CTNNA3: variants seen among roughly 807,000 people sequenced by gnomAD.
CTNNA3 encodes catenin alpha-3.
In CTNNA3, 76 loss-of-function variants were observed where a neutral mutation model predicts 95.7. The observed-to-expected ratio is 0.79, with a 90% CI of 0.66 to 0.96. CTNNA3 has a LOEUF of 0.96. CTNNA3 is among the 40% of genes least tolerant of loss of function. The probability of loss-of-function intolerance (pLI) is 0.00; values close to 1 mark genes in which losing one functional copy is unlikely to be tolerated. For missense variants in CTNNA3, 1,191 were observed against 1,089.8 expected, an observed-to-expected ratio of 1.09 and a Z score of -1.31; for synonymous variants, 431 against 374.4, an observed-to-expected ratio of 1.15 and a Z score of -1.74.
chr10:67,519,986 T>A (rs1456261836), intron 5 of CTNNA3, among the ~76,000 whole-genome samples: 2 of 152,260 alleles, frequency 1.3e-5, no homozygotes, highest in East Asian at 3.9e-4. Context: ...ACACTCCAGG[T>A]TTGAAGTCAG....
At chr10:66,286,025 G>T (rs10430509) in intron 12 of CTNNA3, among the ~76,000 whole-genome samples, 84,100 of 151,728 alleles carry the variant, frequency 0.55, 24,548 homozygotes, top group African/African-American at 0.75. Flanking sequence ...TTTGCATAAT[G>T]TTTAGTTTGG....
chr10:67,269,261 T>G (rs1436294889), intron 5 of CTNNA3, among the ~76,000 whole-genome samples: 2 of 152,176 alleles, frequency 1.3e-5, no homozygotes, highest in African/African-American at 4.8e-5. Flanking sequence ...TCTAGATTTA[T>G]TGTTTAAAAA....
At chr10:67,145,990 T>A (rs1860824342) in intron 7 of CTNNA3, among the ~76,000 whole-genome samples, 1 of 152,162 alleles carries the variant, frequency 6.6e-6, no homozygotes, top group Non-Finnish European at 1.5e-5. Flanking sequence ...CTAATATATT[T>A]CAATTGTTGT....
chr10:66,900,902 T>C (rs1845713908), intron 7 of CTNNA3, among the ~76,000 whole-genome samples: 1 of 152,198 alleles, frequency 6.6e-6, no homozygotes, highest in African/African-American at 2.4e-5. Flanking sequence ...CTACATCTGA[T>C]TGGTGTACCT....
chr10:67,571,478 A>G (rs976109585), intron 3 of CTNNA3, among the ~76,000 whole-genome samples: 1 of 152,190 alleles, frequency 6.6e-6, no homozygotes, highest in Admixed American at 6.5e-5. Context: ...TGTAAGAAAA[A>G]CATTAAGTAA....
intron 7 of CTNNA3, among the ~76,000 whole-genome samples, chr10:67,047,102 T>C (rs1854801996): frequency 6.6e-6 from 1 of 152,132 alleles, no homozygotes; most frequent in Admixed American, 6.5e-5. Flanking sequence ...CAGAGGACAA[T>C]GAAGACAGTA....
At chr10:67,660,755 C>G (rs950477155) in intron 1 of CTNNA3, among the ~76,000 whole-genome samples, 1 of 151,878 alleles carries the variant, frequency 6.6e-6, no homozygotes, top group Admixed American at 6.6e-5. Flanking sequence ...CACAGTGAAA[C>G]CCCATCTCTA....
At chr10:66,030,513 G>T (rs1044294324) in intron 15 of CTNNA3, among the ~76,000 whole-genome samples, 1 of 152,100 alleles carries the variant, frequency 6.6e-6, no homozygotes. Flanking sequence ...GTATACAGAA[G>T]AATGAAACTG....
rs187281281 is a variant in CTNNA3, at chr10:67,408,346, C to T, written c.579+113496G>A. Among the ~76,000 whole-genome samples the T allele has an allele frequency of 9.3e-4, 142 of 152,238 alleles. No individual in the cohort carries two copies. In the Middle Eastern group the frequency reaches 0.02, roughly 22 times the overall value. Reference sequence around the variant, plus strand: ...CCTGACTTCAAACTCTACTACAGGGCTACAGTAACCCAAACAGCACAGTAC... The same window carrying T: ...CCTGACTTCAAACTCTACTACAGGGTTACAGTAACCCAAACAGCACAGTAC... On this transcript the variant is annotated intron_variant, in intron 5 of 17. Transcript: ENST00000433211.
intron 10 of CTNNA3, among the ~76,000 whole-genome samples, chr10:66,559,334 T>C (rs1182343054): frequency 6.6e-6 from 1 of 151,882 alleles, no homozygotes; most frequent in East Asian, 1.9e-4. Flanking sequence ...ATGATCTGGT[T>C]TTTACCCACC....
chr10:67,120,061 G>C (rs892521165), intron 7 of CTNNA3, among the ~76,000 whole-genome samples: 1 of 151,874 alleles, frequency 6.6e-6, no homozygotes, highest in African/African-American at 2.4e-5. Flanking sequence ...CTTAAACTAT[G>C]AAATAGCACA....
chr10:66,259,560 T>C (rs148645888), intron 13 of CTNNA3, among the ~76,000 whole-genome samples: 274 of 152,158 alleles, frequency 1.8e-3, no homozygotes, highest in African/African-American at 6.2e-3. Context: ...CAAAAGTACA[T>C]AACTTCACCC....
intron 13 of CTNNA3, among the ~76,000 whole-genome samples, chr10:66,211,435 G>A (rs2088148183): frequency 6.6e-6 from 1 of 152,162 alleles, no homozygotes; most frequent in Admixed American, 6.5e-5. Context: ...AGACTGGGAA[G>A]CAGTTCCCTA....
At chr10:66,601,361 G>A (rs749445777) in intron 10 of CTNNA3, among the ~76,000 whole-genome samples, 19 of 152,008 alleles carry the variant, frequency 1.2e-4, no homozygotes, top group African/African-American at 4.6e-4. Flanking sequence ...TGTGCTATAA[G>A]TACAGTTATT....
intron 5 of CTNNA3, among the ~76,000 whole-genome samples, chr10:67,440,009 G>A (rs567602279): frequency 6.6e-6 from 1 of 152,270 alleles, no homozygotes; most frequent in African/African-American, 2.4e-5. Flanking sequence ...CAGCCACAGT[G>A]AGGTAGAGTA....
chr10:66,342,365 C>T lies in CTNNA3; in HGVS notation c.1732+36787G>A, dbSNP rs117673785. Among the ~76,000 whole-genome samples, 179 of 152,014 alleles carry T rather than the reference C, an allele frequency of 1.2e-3. 1 individual carries two copies. Among genetic ancestry groups the T allele is most frequent in the Non-Finnish European group, 2.1e-3 (145 of 67,906 alleles). ...ATAATTGAGGACATGAAAAATACAT[C>T]CATTTATTCATTTAGAAAACTGTGT... On this transcript the variant is annotated intron_variant, in intron 12 of 17. Coordinates refer to ENST00000433211, the MANE Select transcript of CTNNA3 (RefSeq NM_013266.4).
intron 1 of CTNNA3, among the ~76,000 whole-genome samples, chr10:67,711,339 G>A (rs533093914): frequency 6.6e-6 from 1 of 152,132 alleles, no homozygotes; most frequent in Non-Finnish European, 1.5e-5. Context: ...AGAAAAATAA[G>A]GGAAAGTTTG....
In CTNNA3 at chr10:67,539,657, T is replaced by A. The variant is rs777996573; in HGVS notation, c.305A>T (p.Lys102Ile). ...ATCTGTAAATCTCTCAGCTGATACTTTCAGAGCTTCACCTGAAAAATACAA... is the reference window on the plus strand; with the variant it reads ...ATCTGTAAATCTCTCAGCTGATACTATCAGAGCTTCACCTGAAAAATACAA... ...EEVRKESEAL[K>I]VSAERFTDDP... is the part of the protein sequence containing the mutation. The change falls in exon 4 of 18, where the codon AAA (lysine) becomes ATA (isoleucine). Residue 102 changes from lysine to isoleucine, a missense_variant. Coordinates refer to ENST00000433211, the MANE Select transcript of CTNNA3 (RefSeq NM_013266.4). The A allele has an allele frequency of 3.1e-6, 5 of 1,613,286 alleles. No individual in the cohort carries two copies. The highest frequency in any genetic ancestry group is 3.3e-5 in the Admixed American group (2 of 59,942).
chr10:66,740,021 C>A (rs1849275239), intron 9 of CTNNA3, among the ~76,000 whole-genome samples: 1 of 152,194 alleles, frequency 6.6e-6, no homozygotes. Context: ...TTGTTCCTGG[C>A]TGGCCAGATT....
Sources: gnomAD v4.1 joint callset for allele counts (sites outside exome capture counted in the v4.1 genomes callset) on GRCh38, gnomAD v4.1.1 for gene constraint, MANE v1.5 for transcripts, NCBI Gene and HGNC (gene_info 2026-07-23, HGNC 2026-07-21) for gene names.